Variants in RABL3 observed in about 807,000 individuals in gnomAD.
The protein encoded by RABL3 is rab-like protein 3.
In RABL3, 31 loss-of-function variants were observed where a neutral mutation model predicts 31.8. The observed-to-expected ratio is 0.97, with a 90% CI of 0.73 to 1.31. The LOEUF is 1.31. Among genes scored for constraint, RABL3 ranks in the 40% most tolerant of loss-of-function variants. The probability of loss-of-function intolerance (pLI) is 0.00; values close to 1 mark genes in which losing one functional copy is unlikely to be tolerated. For synonymous variants in RABL3, 97 were observed against 99.9 expected (o/e 0.97, Z 0.18); for missense variants, 263 against 279.6 (o/e 0.94, Z 0.42).
At chr3:120,716,829 C>G (rs1417832933) in intron 2 of RABL3, among the ~76,000 whole-genome samples, 1 of 152,190 alleles carries the variant, frequency 6.6e-6, no homozygotes, top group Non-Finnish European at 1.5e-5. Context: ...GTTATTCTTT[C>G]TATAGAAAAG....
rs1012457555 is a variant in RABL3 at position 120,687,201 on chromosome 3, G to A, written c.*2622C>T. 2 of 151,908 alleles carry A rather than the reference G, an allele frequency of 1.3e-5. No individual in the cohort carries two copies. Among genetic ancestry groups the A allele is most frequent in the African/African-American group, 2.4e-5 (1 of 41,308 alleles). 9.4% of individuals were successfully genotyped at this position (151,908 alleles called of 1,614,324 possible). A position where few individuals can be genotyped will look rare whatever the true frequency, so the allele number is the denominator to read the frequency against. On this transcript the variant is annotated 3_prime_UTR_variant, in exon 8 of 8. Transcript: ENST00000273375. ...TCATATCTGGTCACCTTCACAATGA[G>A]TCAGAAAATTGGTCAGACACCGAAA... is the stretch of plus-strand genomic sequence containing the variant.
rs142394072 is a variant in RABL3 at position 120,697,847 on chromosome 3, T to C, written c.534+576A>G. On this transcript the variant is annotated intron_variant, in intron 5 of 7. Coordinates refer to ENST00000273375, the MANE Select transcript of RABL3 (RefSeq NM_173825.5). ...TTTAATCAATTTATTTTAATTTTGG[T>C]GTGATTTTAAAAACCTTTCTCAAGA... Among the ~76,000 whole-genome samples, 12 of 152,246 alleles carry C rather than the reference T, an allele frequency of 7.9e-5. No homozygotes were observed. In the East Asian group the frequency reaches 2.3e-3, roughly 29 times the overall value.
chr3:120,730,909 C>T, intron 1 of RABL3, 122 bp from the exon 2 acceptor site: 2 of 693,952 alleles, frequency 2.9e-6, no homozygotes, highest in Non-Finnish European at 5.1e-6. Context: ...GAATGCCATA[C>T]CAACAATATA....
chr3:120,709,672 T>C, intron 3 of RABL3, 108 bp downstream of exon 3: 1 of 822,096 alleles, frequency 1.2e-6, no homozygotes, highest in Non-Finnish European at 1.9e-6. Context: ...TGTGAGTACA[T>C]TATATCTTTC....
intron 6 of RABL3, among the ~76,000 whole-genome samples, chr3:120,691,161 T>G (rs1407215481): frequency 6.6e-6 from 1 of 152,202 alleles, no homozygotes; most frequent in African/African-American, 2.4e-5. Context: ...TCAAAATATA[T>G]GTCCAAATGT....
At chr3:120,719,912 T>C (rs1012775630) in intron 2 of RABL3, among the ~76,000 whole-genome samples, 1 of 152,064 alleles carries the variant, frequency 6.6e-6, no homozygotes, top group Non-Finnish European at 1.5e-5. Context: ...GACCCCCGAG[T>C]AGCCTAACTG....
chr3:120,692,484 C>T (rs1343604910), intron 6 of RABL3, among the ~76,000 whole-genome samples: 2 of 152,206 alleles, frequency 1.3e-5, no homozygotes, highest in African/African-American at 4.8e-5. Context: ...AGGCGTGAGG[C>T]ACCGTGCCCG....
rs555969512 is a variant in RABL3 at position 120,689,033 on chromosome 3, T to C, written c.*790A>G. 2.0e-5 allele frequency: 3 copies of C among 152,334 alleles called. No individual in the cohort carries two copies. In the East Asian group the frequency reaches 5.8e-4, roughly 29 times the overall value. The allele number at this position is 152,334 out of a possible 1,614,324, so 9.4% of individuals were successfully genotyped here. On this transcript the variant is annotated 3_prime_UTR_variant, in exon 8 of 8. Coordinates refer to ENST00000273375, the MANE Select transcript of RABL3 (RefSeq NM_173825.5). Reference sequence around the variant, plus strand: ...AGAGGAGGCTGTAAATGTCTCTCACTGCCCTTGTGCAGGTCTTAGATTTTA... The same window carrying C: ...AGAGGAGGCTGTAAATGTCTCTCACCGCCCTTGTGCAGGTCTTAGATTTTA...
chr3:120,712,401 G>C (rs533570961), intron 2 of RABL3, among the ~76,000 whole-genome samples: 25 of 152,174 alleles, frequency 1.6e-4, no homozygotes, highest in African/African-American at 6.0e-4. Context: ...CAGTAAAAAA[G>C]TTAAACCAAG....
intron 6 of RABL3, among the ~76,000 whole-genome samples, chr3:120,692,327 T>C (rs1420397868): frequency 6.6e-6 from 1 of 151,992 alleles, no homozygotes; most frequent in Non-Finnish European, 1.5e-5. Flanking sequence ...GCCTCCTGAG[T>C]AGCTGGGACT....
At chr3:120,730,988 G>A (rs1000643259) in intron 1 of RABL3, among the ~76,000 whole-genome samples, 1 of 152,338 alleles carries the variant, frequency 6.6e-6, no homozygotes, top group Middle Eastern at 3.4e-3. Context: ...GAATCACCCG[G>A]AGGGTGAGTT....
At chr3:120,732,006 C>G (rs1398363858) in intron 1 of RABL3, among the ~76,000 whole-genome samples, 1 of 152,122 alleles carries the variant, frequency 6.6e-6, no homozygotes, top group Non-Finnish European at 1.5e-5. Context: ...CTGCAGTGAG[C>G]TATGATCACA....
chr3:120,737,206 T>C lies in RABL3; in HGVS notation c.46+5256A>G, dbSNP rs137895768. On this transcript the variant is annotated intron_variant, in intron 1 of 7. Transcript: ENST00000273375. ...TATTTGCACATAGTCCCATATTTCT[T>C]GGAGCCTTTGTTCGTTCTTTTTACT... Among the ~76,000 whole-genome samples, 19 of 152,356 alleles carry C rather than the reference T, an allele frequency of 1.2e-4. No homozygotes were observed. The East Asian group carries it at 3.3e-3, about 26-fold the overall frequency.
At chr3:120,714,293 G>A (rs1457359775) in intron 2 of RABL3, among the ~76,000 whole-genome samples, 1 of 151,992 alleles carries the variant, frequency 6.6e-6, no homozygotes, top group Non-Finnish European at 1.5e-5. Flanking sequence ...AAGAGAGAAG[G>A]GTGAAAAAGA....
intron 1 of RABL3, among the ~76,000 whole-genome samples, chr3:120,738,267 G>A (rs1043837415): frequency 3.3e-5 from 5 of 152,234 alleles, no homozygotes; most frequent in Admixed American, 6.5e-5. Context: ...TGCTAGCAAT[G>A]AGCAAGGCTC....
intron 2 of RABL3, among the ~76,000 whole-genome samples, chr3:120,721,097 C>T (rs534911486): frequency 3.4e-4 from 51 of 152,088 alleles, no homozygotes; most frequent in East Asian, 5.8e-4. Flanking sequence ...GCTTCATAAG[C>T]GAAGGAGAAA....
At chr3:120,732,318 A>G (rs1218678807) in intron 1 of RABL3, among the ~76,000 whole-genome samples, 1 of 152,148 alleles carries the variant, frequency 6.6e-6, no homozygotes, top group Non-Finnish European at 1.5e-5. Flanking sequence ...TTCTGAACCC[A>G]CATAGGGAGA....
chr3:120,735,530 G>C (rs1419500268), intron 1 of RABL3, among the ~76,000 whole-genome samples: 3 of 152,020 alleles, frequency 2.0e-5, no homozygotes, highest in Admixed American at 6.6e-5. Context: ...AGGGTTTTTT[G>C]TGTCTCTATG....
At chr3:120,703,488 G>A (rs1708515938) in intron 4 of RABL3, among the ~76,000 whole-genome samples, 1 of 151,950 alleles carries the variant, frequency 6.6e-6, no homozygotes, top group African/African-American at 2.4e-5. Flanking sequence ...TGGCAAAAAT[G>A]CAAGGTATCC....
Sources: allele counts gnomAD v4.1 joint callset (sites outside exome capture counted in the v4.1 genomes callset), GRCh38; gene constraint gnomAD v4.1.1; transcripts MANE v1.5; gene names NCBI Gene and HGNC (gene_info 2026-07-23, HGNC 2026-07-21).